ADAMTS20: variants seen among roughly 807,000 people sequenced by gnomAD.
ADAMTS20 encodes the protein ADAM metallopeptidase with thrombospondin type 1 motif 20.
A neutral mutation model predicts 260.1 loss-of-function variants in ADAMTS20; 225 were observed. The ratio of observed to expected loss-of-function variants is 0.87; its 90% CI spans 0.78 to 0.97. The LOEUF (loss-of-function observed/expected upper bound fraction) is 0.97. Among genes scored for constraint, ADAMTS20 ranks in the 50% least tolerant of loss-of-function variants. ADAMTS20 has a pLI of 0.00. For missense variants in ADAMTS20, 2,400 were observed against 2,337.7 expected, an observed-to-expected ratio of 1.03 and a Z score of -0.55; for synonymous variants, 802 against 769.5, an observed-to-expected ratio of 1.04 and a Z score of -0.70.
intron 37 of ADAMTS20, among the ~76,000 whole-genome samples, chr12:43,363,249 G>A (rs115315755): frequency 1.7e-3 from 264 of 152,112 alleles, no homozygotes; most frequent in African/African-American, 6.0e-3. Flanking sequence ...TTCTCTTTGA[G>A]ACAGGCAGGC....
chr12:43,436,758 C>T (rs1294306298), intron 18 of ADAMTS20, among the ~76,000 whole-genome samples: 1 of 152,116 alleles, frequency 6.6e-6, no homozygotes, highest in Admixed American at 6.5e-5. Flanking sequence ...TGATGTGATC[C>T]CAGCCCATTC....
chr12:43,507,148 T>C (rs1397982851), intron 3 of ADAMTS20, among the ~76,000 whole-genome samples: 1 of 152,208 alleles, frequency 6.6e-6, no homozygotes, highest in African/African-American at 2.4e-5. Flanking sequence ...GAGGTGATGA[T>C]GTGTTAATTT....
chr12:43,370,987 C>T (rs1014224647), intron 36 of ADAMTS20, among the ~76,000 whole-genome samples: 9 of 152,134 alleles, frequency 5.9e-5, no homozygotes, highest in African/African-American at 1.9e-4. Flanking sequence ...AACTCTATTC[C>T]TTCCCCTGCT....
At chr12:43,421,873 A>G (rs959571527) in intron 28 of ADAMTS20, among the ~76,000 whole-genome samples, 1 of 152,090 alleles carries the variant, frequency 6.6e-6, no homozygotes, top group African/African-American at 2.4e-5. Flanking sequence ...TCAACAATTA[A>G]ATGTTTAATA....
chr12:43,538,403 A>G (rs1943326582), intron 2 of ADAMTS20, among the ~76,000 whole-genome samples: 1 of 152,172 alleles, frequency 6.6e-6, no homozygotes, highest in Non-Finnish European at 1.5e-5. Flanking sequence ...AACTCCTTAT[A>G]TATTCTGGTT....
intron 11 of ADAMTS20, among the ~76,000 whole-genome samples, chr12:43,455,905 C>CA (rs1941956626): frequency 6.6e-6 from 1 of 152,086 alleles, no homozygotes; most frequent in Admixed American, 6.6e-5. Flanking sequence ...GACAGGGTTT[C>CA]ACCATGTTGG....
At chr12:43,502,489 A>G in intron 3 of ADAMTS20, 84 bp from the exon 4 acceptor site, 1 of 1,248,696 alleles carries the variant, frequency 8.0e-7, no homozygotes, top group Non-Finnish European at 1.1e-6. Flanking sequence ...AGCCAAAAAT[A>G]TTTAATACTT....
intron 37 of ADAMTS20, among the ~76,000 whole-genome samples, chr12:43,368,987 T>A (rs959746505): frequency 3.3e-5 from 5 of 152,146 alleles, no homozygotes; most frequent in Non-Finnish European, 7.4e-5. Flanking sequence ...TTCCTTTGCC[T>A]TTTGACAAAT....
intron 38 of ADAMTS20, among the ~76,000 whole-genome samples, chr12:43,355,226 G>A (rs531908164): frequency 6.6e-6 from 1 of 152,126 alleles, no homozygotes; most frequent in Non-Finnish European, 1.5e-5. Flanking sequence ...AGAAGGGAAT[G>A]GCAGTAAAAT....
intron 11 of ADAMTS20, among the ~76,000 whole-genome samples, chr12:43,459,575 T>G (rs2137367320): frequency 6.6e-6 from 1 of 152,328 alleles, no homozygotes. Context: ...CTGGTAATAT[T>G]GTCTGTTTTG....
intron 8 of ADAMTS20, among the ~76,000 whole-genome samples, chr12:43,468,070 A>G (rs1942187653): frequency 6.6e-6 from 1 of 152,170 alleles, no homozygotes; most frequent in Admixed American, 6.5e-5. Flanking sequence ...CATATTTTTC[A>G]GTAATACAGG....
chr12:43,431,736 A>G (rs80289032), intron 21 of ADAMTS20, among the ~76,000 whole-genome samples: 2 of 152,188 alleles, frequency 1.3e-5, no homozygotes, highest in African/African-American at 2.4e-5. Flanking sequence ...CTAACCTTAG[A>G]ATAAGTATTC....
intron 28 of ADAMTS20, among the ~76,000 whole-genome samples, chr12:43,416,273 C>T (rs1241681030): frequency 2.0e-5 from 3 of 151,954 alleles, no homozygotes; most frequent in Admixed American, 6.6e-5. Flanking sequence ...TCTAGTCTGT[C>T]ACTTTTCAGT....
At chr12:43,449,745 T>C (rs537433999) in intron 14 of ADAMTS20, among the ~76,000 whole-genome samples, 79 of 152,278 alleles carry the variant, frequency 5.2e-4, no homozygotes, top group African/African-American at 1.8e-3. Context: ...ACAACAGAAT[T>C]GTTTCAAAAT....
chr12:43,355,280 C>T (rs995976263), intron 38 of ADAMTS20, among the ~76,000 whole-genome samples: 11 of 152,174 alleles, frequency 7.2e-5, no homozygotes, highest in Non-Finnish European at 2.9e-5. Flanking sequence ...GAAGTAAAAA[C>T]TCTATCTTCA....
intron 2 of ADAMTS20, among the ~76,000 whole-genome samples, chr12:43,537,953 T>C (rs1215916031): frequency 6.6e-6 from 1 of 152,250 alleles, no homozygotes; most frequent in Non-Finnish European, 1.5e-5. Context: ...ATCTTGGCTA[T>C]TGTGAACACT....
At chr12:43,507,506 T>G (rs2137457329) in intron 3 of ADAMTS20, among the ~76,000 whole-genome samples, 1 of 152,332 alleles carries the variant, frequency 6.6e-6, no homozygotes, top group Admixed American at 6.5e-5. Flanking sequence ...AAATCCCATC[T>G]TATCTTCTAC....
chr12:43,498,272 C>T (rs1396145009), intron 4 of ADAMTS20, among the ~76,000 whole-genome samples: 2 of 152,174 alleles, frequency 1.3e-5, no homozygotes, highest in Non-Finnish European at 2.9e-5. Flanking sequence ...TTCAATATCA[C>T]TGCACTCAGG....
chr12:43,412,227 G>C (rs1272698891), intron 28 of ADAMTS20, among the ~76,000 whole-genome samples: 2 of 152,072 alleles, frequency 1.3e-5, no homozygotes, highest in Non-Finnish European at 2.9e-5. Context: ...ACATTACAAA[G>C]CTTCAAATTG....
Sources: allele counts gnomAD v4.1 joint callset (sites outside exome capture counted in the v4.1 genomes callset), GRCh38; gene constraint gnomAD v4.1.1; transcripts MANE v1.5; gene names NCBI Gene and HGNC (gene_info 2026-07-23, HGNC 2026-07-21).